The following SLC60A2 variants were observed in gnomAD, a reference collection of about 807,000 sequenced individuals.
The protein encoded by SLC60A2 is major facilitator superfamily domain containing 4B.
chr6:111,266,549 TG>T, the SLC60A2 span: 1 of 1,614,238 alleles, frequency 6.2e-7, no homozygotes, highest in Non-Finnish European at 8.5e-7. Context: ...CTTCAGTGTA[TG>T]GGGCTTCAAT....
chr6:111,266,821 G>A, the SLC60A2 span: 1 of 1,613,894 alleles, frequency 6.2e-7, no homozygotes. Flanking sequence ...AAAGAAGACA[G>A]AAAGAGTGAG....
At chr6:111,264,187 T>G in the SLC60A2 span, among the ~76,000 whole-genome samples, 3 of 152,154 alleles carry the variant, frequency 2.0e-5, no homozygotes, top group African/African-American at 7.2e-5. Flanking sequence ...GATAATTGAT[T>G]TACATTGTCC....
chr6:111,272,668 T>C, the SLC60A2 span, among the ~76,000 whole-genome samples: 1 of 151,494 alleles, frequency 6.6e-6, no homozygotes, highest in Admixed American at 6.6e-5. Flanking sequence ...TGTGTCACCA[T>C]TCCTGGCTAA....
chr6:111,265,485 T>G, the SLC60A2 span: 1 of 633,786 alleles, frequency 1.6e-6, no homozygotes, highest in Non-Finnish European at 2.0e-6. Flanking sequence ...ACAGAAAGCT[T>G]TGGTAATTTG....
chr6:111,260,157 C>T, the SLC60A2 span, among the ~76,000 whole-genome samples: 1 of 152,172 alleles, frequency 6.6e-6, no homozygotes, highest in Admixed American at 6.5e-5. Context: ...GTGATCCGCC[C>T]ACCTCGGCCT....
At chr6:111,259,911 CTTT>C in the SLC60A2 span, among the ~76,000 whole-genome samples, 14 of 121,154 alleles carry the variant, frequency 1.2e-4, no homozygotes, top group Non-Finnish European at 9.8e-5. Flanking sequence ...CTCCAGCAAG[CTTT>C]TTTTTTTTTT....
the SLC60A2 span, among the ~76,000 whole-genome samples, chr6:111,261,768 A>G: frequency 6.6e-6 from 1 of 151,616 alleles, no homozygotes; most frequent in Non-Finnish European, 1.5e-5. Context: ...TAATTTTTGT[A>G]TTTTTAGTAG....
the SLC60A2 span, among the ~76,000 whole-genome samples, chr6:111,271,828 T>TGGTGGTGG: frequency 5.0e-5 from 1 of 19,804 alleles, no homozygotes; most frequent in African/African-American, 6.8e-5. Context: ...TAGCCAGGTG[T>TGGTGGTGG]GGTGGTGGCA....
At chr6:111,266,276 C>CT in the SLC60A2 span, 1 of 1,614,128 alleles carries the variant, frequency 6.2e-7, no homozygotes, top group Non-Finnish European at 8.5e-7. Flanking sequence ...TTCTGTTCTT[C>CT]TTTTTTTATG....
chr6:111,267,879 C>G, the SLC60A2 span: 8 of 152,178 alleles, frequency 5.3e-5, no homozygotes, highest in African/African-American at 1.9e-4. Context: ...AGGGTTGGAT[C>G]AAAGAATGTA....
At chr6:111,272,438 A>G in the SLC60A2 span, among the ~76,000 whole-genome samples, 1 of 151,680 alleles carries the variant, frequency 6.6e-6, no homozygotes, top group Non-Finnish European at 1.5e-5. Context: ...GTTTTCAGTT[A>G]TATACTGGAT....
chr6:111,263,347 A>T, the SLC60A2 span, among the ~76,000 whole-genome samples: 6 of 152,234 alleles, frequency 3.9e-5, no homozygotes, highest in Admixed American at 2.6e-4. Flanking sequence ...AGGAATTAAT[A>T]AATAATCCCT....
chr6:111,273,509 T>TG, the SLC60A2 span, among the ~76,000 whole-genome samples: 48,819 of 143,756 alleles, frequency 0.34, 9,297 homozygotes, highest in Non-Finnish European at 0.46. Context: ...TTTTTTTTTT[T>TG]TTTTGTTTAA....
the SLC60A2 span, among the ~76,000 whole-genome samples, chr6:111,275,209 G>A: frequency 6.6e-6 from 1 of 151,730 alleles, no homozygotes; most frequent in African/African-American, 2.4e-5. Flanking sequence ...ACCCCACTCT[G>A]TGACTATTCT....
the SLC60A2 span, among the ~76,000 whole-genome samples, chr6:111,271,560 A>T: frequency 6.6e-6 from 1 of 151,898 alleles, no homozygotes; most frequent in South Asian, 2.1e-4. Context: ...TATTAGTTTG[A>T]AGAATTATAG....
At chr6:111,279,131 G>A in the SLC60A2 span, among the ~76,000 whole-genome samples, 3 of 152,196 alleles carry the variant, frequency 2.0e-5, no homozygotes, top group Admixed American at 6.5e-5. Context: ...CCAAGATTGA[G>A]AACCACTGCT....
chr6:111,259,512 C>T, the SLC60A2 span: 2 of 519,528 alleles, frequency 3.8e-6, no homozygotes, highest in East Asian at 3.4e-5. Flanking sequence ...GCGGCGGCAG[C>T]AAGACGACTT....
chr6:111,272,332 ATG>A, the SLC60A2 span, among the ~76,000 whole-genome samples: 2 of 152,090 alleles, frequency 1.3e-5, no homozygotes, highest in African/African-American at 4.8e-5. Flanking sequence ...CATGCATACA[ATG>A]TGTAGTGATC....
chr6:111,271,970 A>T, the SLC60A2 span, among the ~76,000 whole-genome samples: 6 of 152,146 alleles, frequency 3.9e-5, no homozygotes, highest in East Asian at 1.2e-3. Context: ...TGTCTAAAAA[A>T]TTTAAAATAA....
Sources: allele counts gnomAD v4.1 joint callset (sites outside exome capture counted in the v4.1 genomes callset), GRCh38; gene constraint gnomAD v4.1.1; transcripts MANE v1.5; gene names NCBI Gene and HGNC (gene_info 2026-07-23, HGNC 2026-07-21).